Variants in ANKS1B observed in about 807,000 individuals in gnomAD.
ANKS1B encodes the protein ankyrin repeat and sterile alpha motif domain containing 1B.
ANKS1B carries 36 observed loss-of-function variants against 148.3 expected under a neutral mutation model. The observed-to-expected ratio is 0.24, with a 90% CI of 0.19 to 0.32. The LOEUF (loss-of-function observed/expected upper bound fraction) is 0.32. Ranked by LOEUF, ANKS1B falls within the 10% of genes least tolerant of loss-of-function variation. The pLI is 1.00. For missense variants in ANKS1B, 1,157 were observed against 1,542.6 expected, an observed-to-expected ratio of 0.75 and a Z score of 4.19; for synonymous variants, 542 against 560.8, an observed-to-expected ratio of 0.97 and a Z score of 0.47.
chr12:99,072,995 G>A (rs534397044), intron 16 of ANKS1B, among the ~76,000 whole-genome samples: 3 of 152,210 alleles, frequency 2.0e-5, no homozygotes, highest in East Asian at 1.9e-4. Flanking sequence ...GCCTGGAGTC[G>A]TAATTTTCAA....
intron 14 of ANKS1B, among the ~76,000 whole-genome samples, chr12:99,241,435 CA>C (rs2089302573): frequency 6.6e-6 from 1 of 152,086 alleles, no homozygotes; most frequent in Non-Finnish European, 1.5e-5. Flanking sequence ...AAGTCCAGGA[CA>C]AGACAAATTC....
chr12:99,222,870 C>A (rs968600518), intron 14 of ANKS1B, among the ~76,000 whole-genome samples: 1 of 152,168 alleles, frequency 6.6e-6, no homozygotes, highest in African/African-American at 2.4e-5. Flanking sequence ...GCAGCACTTA[C>A]TCTTGGGACT....
At chr12:99,060,700 C>CACAT (rs1555202206) in intron 16 of ANKS1B, among the ~76,000 whole-genome samples, 636 of 50,882 alleles carry the variant, frequency 0.012, 6 homozygotes, top group East Asian at 0.015. Flanking sequence ...CACACACACA[C>CACAT]ATATATATAG....
At chr12:99,506,978 T>C (rs899281118) in intron 9 of ANKS1B, among the ~76,000 whole-genome samples, 1 of 151,964 alleles carries the variant, frequency 6.6e-6, no homozygotes, top group African/African-American at 2.4e-5. Flanking sequence ...ACTCTGTCCC[T>C]AGAATCTAAT....
chr12:99,058,132 T>A lies in ANKS1B; in HGVS notation c.2626-4823A>T, dbSNP rs538340971. ...GTTTATGAATCTATTGGCAAATGCA[T>A]CTTCATGAGACTGAGAAAGATTAGG... is the stretch of plus-strand genomic sequence containing the variant. On this transcript the variant is annotated intron_variant, in intron 16 of 26. Transcript: ENST00000683438. 1.2e-3 allele frequency among the ~76,000 whole-genome samples: 182 copies of A among 152,072 alleles called. 1 individual carries two copies. The highest frequency in any genetic ancestry group is 4.3e-3 in the African/African-American group (178 of 41,486).
chr12:99,943,819 T>A (rs1322261884), intron 1 of ANKS1B, among the ~76,000 whole-genome samples: 3 of 152,214 alleles, frequency 2.0e-5, no homozygotes, highest in Non-Finnish European at 4.4e-5. Flanking sequence ...CTCTTTTTTT[T>A]AAATTATACT....
At chr12:99,671,115 T>C (rs2098536147) in intron 8 of ANKS1B, among the ~76,000 whole-genome samples, 2 of 152,162 alleles carry the variant, frequency 1.3e-5, no homozygotes, top group African/African-American at 4.8e-5. Context: ...TTTGAACTAT[T>C]TTCTGGAGAT....
intron 14 of ANKS1B, among the ~76,000 whole-genome samples, chr12:99,215,033 C>T (rs2083941323): frequency 6.6e-6 from 1 of 152,190 alleles, no homozygotes; most frequent in African/African-American, 2.4e-5. Context: ...AGCAGCAAAG[C>T]ATTCAAGAGG....
intron 1 of ANKS1B, among the ~76,000 whole-genome samples, chr12:99,847,559 T>A (rs2086888690): frequency 6.6e-6 from 1 of 152,198 alleles, no homozygotes; most frequent in South Asian, 2.1e-4. Flanking sequence ...CAGGCCTTGC[T>A]GGGTTTCCCC....
chr12:98,937,212 T>G (rs1352982550), intron 17 of ANKS1B, among the ~76,000 whole-genome samples: 3 of 152,186 alleles, frequency 2.0e-5, no homozygotes, highest in African/African-American at 7.2e-5. Context: ...CTTTTAAAAT[T>G]TACGTTTTTA....
intron 10 of ANKS1B, among the ~76,000 whole-genome samples, chr12:99,459,366 T>A (rs1485390292): frequency 6.6e-6 from 1 of 152,024 alleles, no homozygotes; most frequent in Non-Finnish European, 1.5e-5. Flanking sequence ...GGATGCCCAC[T>A]TTCACCACTT....
intron 17 of ANKS1B, among the ~76,000 whole-genome samples, chr12:99,004,092 G>T (rs746463949): frequency 6.6e-6 from 1 of 152,134 alleles, no homozygotes; most frequent in Non-Finnish European, 1.5e-5. Context: ...ATATAGGTCC[G>T]CCATTCTGTG....
intron 9 of ANKS1B, among the ~76,000 whole-genome samples, chr12:99,626,298 G>A (rs939086877): frequency 5.3e-5 from 8 of 151,976 alleles, no homozygotes; most frequent in Non-Finnish European, 7.4e-5. Context: ...AGTAGCCAGC[G>A]GTCCACCATT....
At chr12:99,549,761 C>A (rs966543860) in intron 9 of ANKS1B, among the ~76,000 whole-genome samples, 1 of 152,166 alleles carries the variant, frequency 6.6e-6, no homozygotes, top group Non-Finnish European at 1.5e-5. Context: ...TAAAGAAGAT[C>A]CTGTTAGCCC....
intron 9 of ANKS1B, among the ~76,000 whole-genome samples, chr12:99,581,497 G>A (rs1236558278): frequency 6.6e-6 from 1 of 152,178 alleles, no homozygotes; most frequent in African/African-American, 2.4e-5. Flanking sequence ...CTTGGGTACA[G>A]ATGTCTCTGA....
At chr12:99,179,149 C>T (rs577110630) in intron 14 of ANKS1B, among the ~76,000 whole-genome samples, 1 of 152,198 alleles carries the variant, frequency 6.6e-6, no homozygotes, top group African/African-American at 2.4e-5. Context: ...TTAGTTGAGG[C>T]CGGGCGCGGT....
intron 17 of ANKS1B, among the ~76,000 whole-genome samples, chr12:98,939,318 C>T (rs1481991510): frequency 6.6e-6 from 1 of 152,186 alleles, no homozygotes; most frequent in Non-Finnish European, 1.5e-5. Flanking sequence ...TACCTATTTG[C>T]ACTGCATACT....
At chr12:99,972,653 T>C (rs2095573859) in intron 1 of ANKS1B, among the ~76,000 whole-genome samples, 1 of 152,186 alleles carries the variant, frequency 6.6e-6, no homozygotes. Flanking sequence ...CAAGGTGAAG[T>C]AGTTAAATGC....
intron 17 of ANKS1B, among the ~76,000 whole-genome samples, chr12:98,859,719 A>T (rs960950626): frequency 4.6e-5 from 7 of 152,344 alleles, no homozygotes; most frequent in Non-Finnish European, 1.0e-4. Flanking sequence ...CAGGAGATAT[A>T]AAAGTATAGG....
Sources: gnomAD v4.1 joint callset for allele counts (sites outside exome capture counted in the v4.1 genomes callset) on GRCh38, gnomAD v4.1.1 for gene constraint, MANE v1.5 for transcripts, NCBI Gene and HGNC (gene_info 2026-07-23, HGNC 2026-07-21) for gene names.